The following CD109 variants were observed in gnomAD, a reference collection of about 807,000 sequenced individuals.
CD109 encodes the protein CD109 antigen.
CD109 carries 149 observed loss-of-function variants against 165.8 expected under a neutral mutation model. The ratio of observed to expected loss-of-function variants is 0.90; its 90% CI spans 0.79 to 1.03. The LOEUF is 1.03. Ranked by LOEUF, CD109 falls within the 50% of genes least tolerant of loss-of-function variation. CD109 has a pLI of 0.00. For synonymous variants in CD109, 585 were observed against 592.1 expected, an observed-to-expected ratio of 0.99 and a Z score of 0.18; for missense variants, 1,712 against 1,677.8, an observed-to-expected ratio of 1.02 and a Z score of -0.36.
chr6:73,766,671 G>A (rs1773863668), intron 11 of CD109, 88 bp from the exon 12 acceptor site: 2 of 872,326 alleles, frequency 2.3e-6, no homozygotes, highest in African/African-American at 3.4e-5. Context: ...AGATGAATTT[G>A]GTCTTTAATA....
intron 1 of CD109, 62 bp from the exon 2 acceptor site, chr6:73,697,338 C>T: frequency 8.0e-6 from 12 of 1,508,498 alleles, no homozygotes; most frequent in Non-Finnish European, 9.1e-6. Flanking sequence ...ATCTGAGGGT[C>T]ACAAAAGAAA....
At chr6:73,729,419 A>G (rs1471857180) in intron 3 of CD109, among the ~76,000 whole-genome samples, 1 of 151,798 alleles carries the variant, frequency 6.6e-6, no homozygotes, top group East Asian at 1.9e-4. Flanking sequence ...GTTGTGAATT[A>G]AAATGATATA....
intron 30 of CD109, among the ~76,000 whole-genome samples, chr6:73,817,849 C>T (rs532691468): frequency 6.6e-6 from 1 of 152,234 alleles, no homozygotes; most frequent in East Asian, 1.9e-4. Context: ...AGAAAATGTT[C>T]TTCAAGTATA....
intron 2 of CD109, among the ~76,000 whole-genome samples, chr6:73,708,163 G>A (rs189055591): frequency 1.4e-4 from 21 of 151,532 alleles, no homozygotes; most frequent in African/African-American, 3.6e-4. Flanking sequence ...CCCATCCCAC[G>A]ACAGGCCCCG....
At chr6:73,707,983 T>G (rs1037917422) in intron 2 of CD109, among the ~76,000 whole-genome samples, 1 of 45,896 alleles carries the variant, frequency 2.2e-5, no homozygotes, top group African/African-American at 6.1e-5. Context: ...TATATATATA[T>G]ATATATATAT....
intron 22 of CD109, among the ~76,000 whole-genome samples, chr6:73,791,521 T>G (rs1015752837): frequency 2.6e-5 from 4 of 151,938 alleles, no homozygotes; most frequent in African/African-American, 9.7e-5. Flanking sequence ...TTTTTAAATA[T>G]GTACCATCAC....
Position 73,826,785 on chromosome 6 carries a change from C to T in CD109, c.*3152C>T, listed in dbSNP as rs556396260. 6 of 151,388 alleles carry T rather than the reference C, an allele frequency of 4.0e-5. No individual in the cohort carries two copies. Among genetic ancestry groups the T allele is most frequent in the African/African-American group, 1.2e-4 (5 of 41,270 alleles). 9.4% of individuals were successfully genotyped at this position (151,388 alleles called of 1,614,324 possible). A position where few individuals can be genotyped will look rare whatever the true frequency, so the allele number is the denominator to read the frequency against. On this transcript the variant is annotated 3_prime_UTR_variant, in exon 33 of 33. Transcript: ENST00000287097. Reference sequence around the variant, plus strand: ...TACATATGTAATACTGTATCCTGCACGTGGAAATATTCAGAATTGTAGATA... The same window carrying T: ...TACATATGTAATACTGTATCCTGCATGTGGAAATATTCAGAATTGTAGATA...
At chr6:73,812,124 A>G in intron 28 of CD109, 81 bp from the exon 29 acceptor site, 1 of 842,184 alleles carries the variant, frequency 1.2e-6, no homozygotes, top group Non-Finnish European at 2.0e-6. Flanking sequence ...CTAATGAGGG[A>G]TAGGACTGAT....
At chr6:73,771,716 C>T (rs1032572914) in intron 15 of CD109, 135 bp downstream of exon 15, 12 of 553,370 alleles carry the variant, frequency 2.2e-5, no homozygotes, top group South Asian at 3.8e-5. Context: ...AGTAAAGCTT[C>T]CAAATAAAAA....
chr6:73,773,128 T>TAC (rs886894394), intron 15 of CD109, among the ~76,000 whole-genome samples: 14 of 149,364 alleles, frequency 9.4e-5, no homozygotes, highest in Middle Eastern at 7.0e-3. Flanking sequence ...TACATACACA[T>TAC]ACACACACAC....
chr6:73,771,318 A>G, intron 14 of CD109, 111 bp from the exon 15 acceptor site: 1 of 811,434 alleles, frequency 1.2e-6, no homozygotes. Context: ...ATTATCCCTG[A>G]GCCAAGGCAA....
At chr6:73,787,025 C>T (rs187822017) in intron 20 of CD109, among the ~76,000 whole-genome samples, 1 of 152,194 alleles carries the variant, frequency 6.6e-6, no homozygotes, top group East Asian at 1.9e-4. Flanking sequence ...TCGCCCTTTC[C>T]CCATGTATCT....
chr6:73,718,542 T>C (rs1771829595), intron 2 of CD109, among the ~76,000 whole-genome samples: 2 of 152,184 alleles, frequency 1.3e-5, no homozygotes, highest in South Asian at 4.1e-4. Flanking sequence ...GTTGATATGA[T>C]GTATCACATT....
At chr6:73,762,532 TTCTAGAAATAAGA>T (rs1238138115) in intron 8 of CD109, 52 bp downstream of exon 8, 1 of 1,244,100 alleles carries the variant, frequency 8.0e-7, no homozygotes, top group Non-Finnish European at 1.2e-6. Context: ...ATGTGTATTT[TTCTAGAAATAAGA>T]TTTAGTACTG....
chr6:73,758,692 A>C (rs1690167325), intron 6 of CD109, among the ~76,000 whole-genome samples: 1 of 152,076 alleles, frequency 6.6e-6, no homozygotes, highest in Admixed American at 6.5e-5. Flanking sequence ...CTCATACCTT[A>C]ATTATATAAA....
intron 23 of CD109, among the ~76,000 whole-genome samples, chr6:73,798,267 A>T (rs899055456): frequency 6.6e-6 from 1 of 152,004 alleles, no homozygotes; most frequent in Non-Finnish European, 1.5e-5. Context: ...GGTGTGTGCC[A>T]CCACACCTGG....
chr6:73,784,862 A>T (rs1774630378), intron 19 of CD109, among the ~76,000 whole-genome samples: 1 of 152,166 alleles, frequency 6.6e-6, no homozygotes. Flanking sequence ...ACATGTATTC[A>T]GATGTCCCAC....
At chr6:73,683,709 T>C in the CD109 span, among the ~76,000 whole-genome samples, 1 of 152,214 alleles carries the variant, frequency 6.6e-6, no homozygotes, top group African/African-American at 2.4e-5. Context: ...AGAGGTTTAA[T>C]GGACTTACAG....
At chr6:73,803,573 T>C (rs1166769944) in intron 24 of CD109, among the ~76,000 whole-genome samples, 1 of 151,882 alleles carries the variant, frequency 6.6e-6, no homozygotes. Context: ...TACTTTATGA[T>C]GATGGTGCAG....
Sources: gnomAD v4.1 joint callset for allele counts (sites outside exome capture counted in the v4.1 genomes callset) on GRCh38, gnomAD v4.1.1 for gene constraint, MANE v1.5 for transcripts, NCBI Gene and HGNC (gene_info 2026-07-23, HGNC 2026-07-21) for gene names.